Variants in GLRX3 observed in about 807,000 individuals in gnomAD.
The protein encoded by GLRX3 is glutaredoxin 3, also known as glutaredoxin-3.
Under a neutral mutation model 49.5 loss-of-function variants are expected in GLRX3, and 22 were observed. The ratio of observed to expected loss-of-function variants is 0.44; its 90% CI spans 0.32 to 0.63. The LOEUF is 0.63. Among genes scored for constraint, GLRX3 ranks in the 30% least tolerant of loss-of-function variants. The probability of loss-of-function intolerance (pLI) is 0.05; values close to 1 mark genes in which losing one functional copy is unlikely to be tolerated. For missense variants in GLRX3, 385 were observed against 396.3 expected (o/e 0.97, Z 0.24); for synonymous variants, 133 against 140.0 (o/e 0.95, Z 0.35).
intron 2 of GLRX3, among the ~76,000 whole-genome samples, chr10:130,149,864 T>C (rs1862338374): frequency 6.6e-6 from 1 of 151,288 alleles, no homozygotes; most frequent in Admixed American, 6.6e-5. Flanking sequence ...AATTCCTTTT[T>C]TCATTGCCTC....
chr10:130,178,415 C>T (rs766394023), intron 10 of GLRX3, among the ~76,000 whole-genome samples: 20 of 152,000 alleles, frequency 1.3e-4, no homozygotes, highest in Non-Finnish European at 2.1e-4. Context: ...CCACCATGCC[C>T]ACCTGGCTAA....
intron 1 of GLRX3, among the ~76,000 whole-genome samples, chr10:130,137,727 A>G (rs1862088603): frequency 6.6e-6 from 1 of 152,146 alleles, no homozygotes; most frequent in Non-Finnish European, 1.5e-5. Flanking sequence ...ATTCACAGGC[A>G]AAAAGCTTTG....
chr10:130,155,427 TAGG>T (rs950141093), intron 2 of GLRX3, among the ~76,000 whole-genome samples: 28 of 152,292 alleles, frequency 1.8e-4, no homozygotes, highest in African/African-American at 6.5e-4. Flanking sequence ...GTACCCCAGT[TAGG>T]AGGCTCCTAG....
intron 1 of GLRX3, among the ~76,000 whole-genome samples, chr10:130,143,382 GTAT>G (rs1862210900): frequency 6.6e-6 from 1 of 152,020 alleles, no homozygotes; most frequent in South Asian, 2.1e-4. Flanking sequence ...TTGGGAGGTG[GTAT>G]TATATTTGAA....
chr10:130,171,624 TA>T lies in GLRX3; in HGVS notation c.815del (p.Asn272IlefsTer22). ...TTCAGCAAACAAATTCTGGAAATAC[TA>T]AATAGTACTGGGTATGTAAATGTTG... ...CGFSKQILEI[L>X]NSTGVEYETF... On this transcript the variant is annotated frameshift_variant, in exon 8 of 11. Transcript: ENST00000331244. LOFTEE classifies it high-confidence loss of function. 2 of 1,516,390 alleles carry T rather than the reference TA, an allele frequency of 1.3e-6. No individual in the cohort carries two copies. Among genetic ancestry groups the T allele is most frequent in the Non-Finnish European group, 1.8e-6 (2 of 1,091,072 alleles). 93.9% of individuals were successfully genotyped at this position (1,516,390 alleles called of 1,614,324 possible). A position where few individuals can be genotyped will look rare whatever the true frequency, so the allele number is the denominator to read the frequency against.
At chr10:130,166,884 T>G in intron 5 of GLRX3, 35 bp from the exon 6 acceptor site, 1 of 1,369,982 alleles carries the variant, frequency 7.3e-7, no homozygotes. Context: ...TTATAATAAT[T>G]TTTTTCATAA....
Position 130,141,899 on chromosome 10 carries a change from G to T in GLRX3, c.93-3312G>T, listed in dbSNP as rs186245211. On this transcript the variant is annotated intron_variant, in intron 1 of 10. Transcript: ENST00000331244. ...GGCTCCTGAGGGAGGGTTTTGAGGGGTCAGGCCTGTGTTCTAGTTTTAGGG... is the reference window on the plus strand; with the variant it reads ...GGCTCCTGAGGGAGGGTTTTGAGGGTTCAGGCCTGTGTTCTAGTTTTAGGG... Among the ~76,000 whole-genome samples the T allele has an allele frequency of 3.3e-4, 50 of 152,272 alleles. No individual in the cohort carries two copies. The East Asian group carries it at 9.6e-3, about 29-fold the overall frequency.
At chr10:130,155,486 T>G (rs1417140441) in intron 2 of GLRX3, among the ~76,000 whole-genome samples, 1 of 152,084 alleles carries the variant, frequency 6.6e-6, no homozygotes, top group Non-Finnish European at 1.5e-5. Flanking sequence ...TGGGATTATA[T>G]TTTGGAAGGG....
At chr10:130,158,867 G>A (rs1487215247) in intron 2 of GLRX3, among the ~76,000 whole-genome samples, 7 of 152,112 alleles carry the variant, frequency 4.6e-5, no homozygotes, top group African/African-American at 1.7e-4. Context: ...AAATATTGTT[G>A]CAAAAGTGTT....
At chr10:130,148,765 C>T (rs192215526) in intron 2 of GLRX3, among the ~76,000 whole-genome samples, 1 of 151,866 alleles carries the variant, frequency 6.6e-6, no homozygotes, top group East Asian at 1.9e-4. Flanking sequence ...ATGATATGGT[C>T]GTAAAGTGTA....
chr10:130,144,534 C>A (rs1862236139), intron 1 of GLRX3, among the ~76,000 whole-genome samples: 1 of 152,026 alleles, frequency 6.6e-6, no homozygotes, highest in Non-Finnish European at 1.5e-5. Flanking sequence ...GTTCACCTCC[C>A]ACTTATGAAT....
intron 10 of GLRX3, among the ~76,000 whole-genome samples, chr10:130,179,030 A>AT (rs1370462122): frequency 1.8e-4 from 27 of 151,322 alleles, no homozygotes; most frequent in African/African-American, 6.3e-4. Context: ...TAAGAGACAG[A>AT]TTTCACCATG....
chr10:130,151,555 T>C (rs1029908373), intron 2 of GLRX3, among the ~76,000 whole-genome samples: 1 of 151,888 alleles, frequency 6.6e-6, no homozygotes, highest in African/African-American at 2.4e-5. Flanking sequence ...CGGTGTGTGA[T>C]GTTCCCCTCC....
chr10:130,173,094 G>T (rs1277628159), intron 8 of GLRX3, among the ~76,000 whole-genome samples: 1 of 152,126 alleles, frequency 6.6e-6, no homozygotes, highest in African/African-American at 2.4e-5. Flanking sequence ...GGTCATTTTT[G>T]ATTTTCCCCT....
Position 130,176,750 on chromosome 10 carries a change from TTCCC to T in GLRX3, c.957+1680_957+1683del, listed in dbSNP as rs889175535. 1.9e-4 allele frequency among the ~76,000 whole-genome samples: 24 copies of T among 125,976 alleles called. 2 individuals are homozygous for T. Among genetic ancestry groups the T allele is most frequent in the South Asian group, 9.0e-4 (3 of 3,346 alleles). 82.6% of individuals were successfully genotyped at this position (125,976 alleles called of 152,430 possible). ...ATTTGTTTCTTCCCTCCCTCCCTCC[TTCCC>T]TCCCTCCCTCCCTCCCTCTTTCTCT... On this transcript the variant is annotated intron_variant, in intron 10 of 10. Coordinates refer to ENST00000331244, the MANE Select transcript of GLRX3 (RefSeq NM_006541.5).
intron 2 of GLRX3, among the ~76,000 whole-genome samples, chr10:130,147,001 G>C (rs1332928776): frequency 6.6e-6 from 1 of 152,204 alleles, no homozygotes; most frequent in Non-Finnish European, 1.5e-5. Context: ...TGTCACCCTT[G>C]TGTCCCACCA....
Position 130,166,520 on chromosome 10 carries a change from G to A in GLRX3, c.492G>A (p.Gln164=), listed in dbSNP as rs34458027. ...PQEPRCGFSK[Q]MVEILHKHNI... Reference sequence around the variant, plus strand: ...TTTTGTGTACAGGTTTCAGCAAGCAGATGGTGGAAATTCTTCACAAACATA... The same window carrying A: ...TTTTGTGTACAGGTTTCAGCAAGCAAATGGTGGAAATTCTTCACAAACATA... The change falls in exon 5 of 11, where the codon CAG becomes CAA. Residue 164 remains glutamine (Q), a synonymous_variant. Transcript: ENST00000331244. 15,007 of 1,612,948 alleles carry A rather than the reference G, an allele frequency of 9.3e-3. 132 individuals carry two copies. Among genetic ancestry groups the A allele is most frequent in the Middle Eastern group, 0.018 (111 of 6,044 alleles).
intron 6 of GLRX3, among the ~76,000 whole-genome samples, chr10:130,167,324 T>G (rs922668148): frequency 6.6e-6 from 1 of 152,204 alleles, no homozygotes; most frequent in Non-Finnish European, 1.5e-5. Flanking sequence ...CACTCGTGTT[T>G]TACTGGGTGC....
chr10:130,157,791 G>A lies in GLRX3; in HGVS notation c.202-2204G>A, dbSNP rs879131436. Among the ~76,000 whole-genome samples the A allele has an allele frequency of 3.9e-5, 6 of 152,138 alleles. 1 individual carries two copies. In the South Asian group the frequency reaches 6.2e-4, roughly 16 times the overall value. ...TGTTAAGGCCTTCTCATGGTTTATG[G>A]CACAGGGTAGGTCGCCCATGAATGA... On this transcript the variant is annotated intron_variant, in intron 2 of 10. Transcript: ENST00000331244.
Sources: allele counts gnomAD v4.1 joint callset (sites outside exome capture counted in the v4.1 genomes callset), GRCh38; gene constraint gnomAD v4.1.1; transcripts MANE v1.5; gene names NCBI Gene and HGNC (gene_info 2026-07-23, HGNC 2026-07-21).